Variants in CCDC136 observed in about 807,000 individuals in gnomAD.
CCDC136 encodes the protein coiled-coil domain containing 136, also known as coiled-coil domain-containing protein 136.
A neutral mutation model predicts 141.2 loss-of-function variants in CCDC136; 100 were observed. That is an observed-to-expected ratio of 0.71 (90% CI 0.60 to 0.84). The LOEUF (loss-of-function observed/expected upper bound fraction) is 0.84, where lower values mean the gene tolerates loss of function less well. CCDC136 is among the 40% of genes least tolerant of loss of function. The pLI, the probability that CCDC136 is intolerant of heterozygous loss-of-function variation, is 0.00. For missense variants in CCDC136, 1,206 were observed against 1,379.4 expected, an observed-to-expected ratio of 0.87 and a Z score of 1.99; for synonymous variants, 474 against 531.9, an observed-to-expected ratio of 0.89 and a Z score of 1.50.
intron 15 of CCDC136, 141 bp from the exon 16 acceptor site, chr7:128,815,473 C>G (rs750338330): frequency 5.4e-6 from 5 of 925,238 alleles, no homozygotes; most frequent in Non-Finnish European, 8.0e-6. Context: ...GGGATTGGCT[C>G]ACAGTCCCAG....
At chr7:128,820,751 C>T (rs997408351) in intron 17 of CCDC136, among the ~76,000 whole-genome samples, 3 of 152,142 alleles carry the variant, frequency 2.0e-5, no homozygotes, top group African/African-American at 7.2e-5. Flanking sequence ...ACATGAGTTA[C>T]TCTGTATATC....
At chr7:128,820,308 A>G (rs2128928623) in intron 17 of CCDC136, among the ~76,000 whole-genome samples, 1 of 152,342 alleles carries the variant, frequency 6.6e-6, no homozygotes, top group East Asian at 1.9e-4. Context: ...ATCATAGAAA[A>G]TTCTGTCAAA....
Position 128,794,313 on chromosome 7 carries a change from T to C in CCDC136, c.17-35T>C, listed in dbSNP as rs373132744. 7.3e-4 allele frequency: 1,140 copies of C among 1,551,690 alleles called. 1 individual carries two copies. Among genetic ancestry groups the C allele is most frequent in the Middle Eastern group, 1.2e-3 (7 of 5,990 alleles). The stretch of plus-strand genomic sequence containing the variant: ...GGAAGGACGGCAGAAAGGAAGTTGA[T>C]GCTGACTCCTTGGTGGGATGGCTGT... On this transcript the variant is annotated intron_variant, in intron 1 of 17. Transcript: ENST00000297788. This position sits in a 1 kb window ranked among gnomAD's most constrained non-coding sequence, Gnocchi z 4.3.
chr7:128,820,110 C>CA (rs1351857144), intron 17 of CCDC136, among the ~76,000 whole-genome samples: 6 of 152,206 alleles, frequency 3.9e-5, no homozygotes, highest in Admixed American at 2.6e-4. Flanking sequence ...CTTCCTCTGC[C>CA]ACCTTCACAT....
chr7:128,807,603 A>G, intron 10 of CCDC136, 58 bp downstream of exon 10: 1 of 1,250,226 alleles, frequency 8.0e-7, no homozygotes, highest in Non-Finnish European at 1.0e-6. Context: ...GAGAAGAGGT[A>G]CAGAGGCAAA....
At chr7:128,814,395 T>G (rs1375753059) in intron 14 of CCDC136, among the ~76,000 whole-genome samples, 1 of 152,172 alleles carries the variant, frequency 6.6e-6, no homozygotes, top group African/African-American at 2.4e-5. Context: ...CGCCCTGCCG[T>G]TTTTTTCATC....
At chr7:128,812,502 T>G (rs60389668) in intron 13 of CCDC136, among the ~76,000 whole-genome samples, 190 bp downstream of exon 13, 22,706 of 151,784 alleles carry the variant, frequency 0.15, 1,899 homozygotes, top group African/African-American at 0.22. Context: ...ATAGAGAGAA[T>G]CCCCCATCTG....
At chr7:128,811,006 TCAC>T in intron 12 of CCDC136, among the ~76,000 whole-genome samples, 1 of 152,346 alleles carries the variant, frequency 6.6e-6, no homozygotes, top group East Asian at 1.9e-4. Context: ...CAGGTGGAGA[TCAC>T]CATACAATTC....
In CCDC136 at chr7:128,811,902, G is replaced by C. The variant is rs538763923; in HGVS notation, c.2131G>C (p.Glu711Gln). Residue 711 changes from glutamate to glutamine, a missense_variant, in exon 13 of 18, where the codon GAG becomes CAG. Coordinates refer to ENST00000297788, the MANE Select transcript of CCDC136 (RefSeq NM_022742.5). Reference sequence around the variant, plus strand: ...GCAGCAAGAGCAAGGGAGGCTCCTAGAGGAGCGGAAGAGGCTGCAGGCAGA... The same window carrying C: ...GCAGCAAGAGCAAGGGAGGCTCCTACAGGAGCGGAAGAGGCTGCAGGCAGA... ...LLQQEQGRLL[E>Q]ERKRLQADLQ... The C allele has an allele frequency of 6.2e-7, 1 of 1,613,710 alleles. No homozygotes were observed. The highest frequency in any genetic ancestry group is 1.3e-5 in the African/African-American group (1 of 74,938).
At chr7:128,802,778 G>A (rs1405499703) in intron 4 of CCDC136, among the ~76,000 whole-genome samples, 3 of 152,122 alleles carry the variant, frequency 2.0e-5, no homozygotes, top group East Asian at 1.9e-4. Context: ...AGGAAACTCC[G>A]TACTACCTTT....
chr7:128,821,925 A>G lies in CCDC136; in HGVS notation c.*132A>G, dbSNP rs1416845569. On this transcript the variant is annotated 3_prime_UTR_variant, in exon 18 of 18. Coordinates refer to ENST00000297788, the MANE Select transcript of CCDC136 (RefSeq NM_022742.5). The surrounding 1 kb of genome is among the most constrained non-coding windows in gnomAD (Gnocchi z 5.1). ...CATGGAGTGATGGCAGACCTTGGCCAGCGCGAGGGCAGATCCCCAGTGGCC... is the reference window on the plus strand; with the variant it reads ...CATGGAGTGATGGCAGACCTTGGCCGGCGCGAGGGCAGATCCCCAGTGGCC... 3 of 1,289,766 alleles carry G rather than the reference A, an allele frequency of 2.3e-6. No individual in the cohort carries two copies. Among genetic ancestry groups the G allele is most frequent in the Non-Finnish European group, 3.0e-6 (3 of 988,906 alleles). 79.9% of individuals were successfully genotyped at this position (1,289,766 alleles called of 1,614,324 possible).
Position 128,807,346 on chromosome 7 carries a change from C to A in CCDC136, c.1420-14C>A. On this transcript the variant is annotated splice_polypyrimidine_tract_variant and intron_variant, in intron 9 of 17. Coordinates refer to ENST00000297788, the MANE Select transcript of CCDC136 (RefSeq NM_022742.5). ...GTGCCTGGGATGATGGCCAGGCCTG[C>A]CTCCCCTGCCCAGGACACAGAGACG... 2 of 1,447,996 alleles carry A rather than the reference C, an allele frequency of 1.4e-6. No individual in the cohort carries two copies. The highest frequency in any genetic ancestry group is 9.2e-7 in the Non-Finnish European group (1 of 1,091,934). The allele number at this position is 1,447,996 out of a possible 1,614,324, so 89.7% of individuals were successfully genotyped here.
Position 128,794,533 on chromosome 7 carries a change from C to A in CCDC136, c.202C>A (p.Leu68Met), listed in dbSNP as rs746594415. The change falls in exon 2 of 18, where the codon CTG becomes ATG. Residue 68 changes from leucine (L) to methionine (M), a missense_variant. Physicochemically the swap from Leu to Met is conservative, Grantham distance 15. Transcript: ENST00000297788. The surrounding 1 kb of genome is among the most constrained non-coding windows in gnomAD (Gnocchi z 4.3). ...LEELRAQVLQ[L>M]VAELEETREL... ...GGAGCTGCGGGCTCAGGTGCTGCAG[C>A]TGGTGGCAGAACTGGAGGAGACCCG... is the stretch of plus-strand genomic sequence containing the variant. 2.5e-5 allele frequency: 39 copies of A among 1,554,388 alleles called. No individual in the cohort carries two copies. Among genetic ancestry groups the A allele is most frequent in the Non-Finnish European group, 3.4e-5 (39 of 1,148,682 alleles).
intron 4 of CCDC136, 125 bp downstream of exon 4, chr7:128,801,634 T>C: frequency 2.8e-6 from 2 of 725,652 alleles, no homozygotes; most frequent in Non-Finnish European, 4.4e-6. Context: ...CCAGGTTGAA[T>C]TCAAGACTGT....
chr7:128,819,837 A>G (rs1019835654), intron 17 of CCDC136, among the ~76,000 whole-genome samples: 2 of 152,200 alleles, frequency 1.3e-5, no homozygotes, highest in East Asian at 3.8e-4. Context: ...GTAGGAAGAC[A>G]CCATACTTGT....
At chr7:128,818,037 C>T (rs1806915644) in intron 17 of CCDC136, 173 bp downstream of exon 17, 2 of 592,848 alleles carry the variant, frequency 3.4e-6, no homozygotes, top group African/African-American at 1.9e-5. Context: ...ACTGCAAAGC[C>T]TCTGACATCT....
rs758979251 is a variant in CCDC136 at position 128,797,921 on chromosome 7, A to ATT, written c.346+3166_346+3167dup. On this transcript the variant is annotated intron_variant, in intron 3 of 17. Transcript: ENST00000297788. Reference sequence around the variant, plus strand: ...GAACTACCTGGGAAAATAGGGTTCTATTTTTTTTTTTTTTGAGACGGAGTC... The same window carrying ATT: ...GAACTACCTGGGAAAATAGGGTTCTATTTTTTTTTTTTTTTTGAGACGGAGTC... 4.0e-3 allele frequency among the ~76,000 whole-genome samples: 554 copies of ATT among 139,626 alleles called. 6 individuals carry two copies. The highest frequency in any genetic ancestry group is 0.034 in the South Asian group (142 of 4,234). 91.6% of individuals were successfully genotyped at this position (139,626 alleles called of 152,430 possible).
At chr7:128,795,499 G>A (rs1802808812) in intron 3 of CCDC136, among the ~76,000 whole-genome samples, 1 of 152,010 alleles carries the variant, frequency 6.6e-6, no homozygotes, top group African/African-American at 2.4e-5. Context: ...AAAAAAGGAA[G>A]GCCAGGAAGC....
At position 128,805,684 on chromosome 7, in the gene CCDC136, T is replaced by C; in HGVS notation, c.949-77T>C. ...TAAATCTTCCAGTCAAAGAGCGCCA[T>C]GCTTTCCCCAAGCTTGTTCTTGGAG... is the stretch of plus-strand genomic sequence containing the variant. On this transcript the variant is annotated intron_variant, in intron 6 of 17. Coordinates refer to ENST00000297788, the MANE Select transcript of CCDC136 (RefSeq NM_022742.5). The surrounding 1 kb of genome is among the most constrained non-coding windows in gnomAD (Gnocchi z 4.6). 6.3e-7 allele frequency: 1 copy of C among 1,588,388 alleles called. No homozygotes were observed. The highest frequency in any genetic ancestry group is 2.2e-5 in the East Asian group (1 of 44,666).
Sources: gnomAD v4.1 joint callset for allele counts (sites outside exome capture counted in the v4.1 genomes callset) on GRCh38, gnomAD v4.1.1 for gene constraint, Gnocchi (gnomAD v3.1) non-coding constraint, MANE v1.5 for transcripts, NCBI Gene and HGNC (gene_info 2026-07-23, HGNC 2026-07-21) for gene names.